Variants in NAA11 observed in about 807,000 individuals in gnomAD.
NAA11 encodes the protein N-alpha-acetyltransferase 11, NatA catalytic subunit.
In NAA11, 15 loss-of-function variants were observed where a neutral mutation model predicts 16.1. The observed-to-expected ratio is 0.93, with a 90% CI of 0.62 to 1.44. The LOEUF (loss-of-function observed/expected upper bound fraction) is 1.44. Among genes scored for constraint, NAA11 ranks in the 40% most tolerant of loss-of-function variants. The probability of loss-of-function intolerance (pLI) is 0.00; values close to 1 mark genes in which losing one functional copy is unlikely to be tolerated. For missense variants in NAA11, 298 were observed against 291.3 expected, an observed-to-expected ratio of 1.02 and a Z score of -0.17; for synonymous variants, 122 against 112.4, an observed-to-expected ratio of 1.09 and a Z score of -0.54.
chr4:79,270,546 G>T (rs990689740), intron 2 of NAA11, among the ~76,000 whole-genome samples: 1 of 141,740 alleles, frequency 7.1e-6, no homozygotes, highest in Non-Finnish European at 1.5e-5. Flanking sequence ...GCATCATTCT[G>T]ATACCAAAGC....
At chr4:79,188,831 G>A in the NAA11 span, among the ~76,000 whole-genome samples, 1 of 151,996 alleles carries the variant, frequency 6.6e-6, no homozygotes, top group Admixed American at 6.5e-5. Flanking sequence ...TGGAAGCTTG[G>A]GGTGGGCCTG....
At chr4:79,256,722 G>C (rs1450123611) in intron 2 of NAA11, among the ~76,000 whole-genome samples, 2 of 147,842 alleles carry the variant, frequency 1.4e-5, no homozygotes, top group Non-Finnish European at 3.0e-5. Context: ...GTGCCATCTT[G>C]GCTCACTGCA....
chr4:79,254,664 TTTTC>T lies in NAA11; in HGVS notation c.*123-28398_*123-28395del, dbSNP rs1156690009. ...CCTTTTCTTTTTTTTTTTTTTACTTTTTTCTTTTAGTTAATTTAATTTATTTATT... is the reference window on the plus strand; with the variant it reads ...CCTTTTCTTTTTTTTTTTTTTACTTTTTTTAGTTAATTTAATTTATTTATT... On this transcript the variant is annotated intron_variant and NMD_transcript_variant, in intron 2 of 2. Transcript: ENST00000511542. 1.9e-4 allele frequency among the ~76,000 whole-genome samples: 29 copies of T among 150,900 alleles called. 1 individual carries two copies. The East Asian group carries it at 5.4e-3, about 28-fold the overall frequency.
intron 1 of NAA11, among the ~76,000 whole-genome samples, chr4:79,297,951 C>T (rs1723271211): frequency 6.6e-6 from 1 of 152,156 alleles, no homozygotes; most frequent in African/African-American, 2.4e-5. Flanking sequence ...CCAATGGCTG[C>T]CCATGGACCA....
the NAA11 span, among the ~76,000 whole-genome samples, chr4:79,199,260 AC>A: frequency 1.3e-5 from 2 of 152,044 alleles, no homozygotes; most frequent in Admixed American, 1.3e-4. Flanking sequence ...CCACTTATAC[AC>A]TTAAGCAGTT....
chr4:79,262,187 T>C (rs1339641874), intron 2 of NAA11, among the ~76,000 whole-genome samples: 2 of 152,124 alleles, frequency 1.3e-5, no homozygotes, highest in Non-Finnish European at 2.9e-5. Flanking sequence ...ATTATGTTAG[T>C]GGATCCAAGA....
chr4:79,279,493 T>G (rs554958286), intron 2 of NAA11, among the ~76,000 whole-genome samples: 7 of 152,236 alleles, frequency 4.6e-5, no homozygotes, highest in Admixed American at 2.0e-4. Context: ...GGAGCTTATA[T>G]TCTAGTGGAG....
At position 79,325,644 on chromosome 4, in the gene NAA11, C is replaced by A. The variant is rs1724251393; in HGVS notation, c.234G>T (p.Lys78Asn). The A allele has an allele frequency of 1.9e-6, 3 of 1,614,094 alleles. No individual in the cohort carries two copies. The highest frequency in any genetic ancestry group is 1.6e-4 in the Middle Eastern group (1 of 6,062). Residue 78 changes from lysine (K) to asparagine (N), a missense_variant, in exon 1 of 2, where the codon AAG becomes AAT. Physicochemically the swap from Lys to Asn is moderately conservative, Grantham distance 94. Transcript: ENST00000286794. ...PHGHITSLAV[K>N]RSHRRLGLAQ... ...CCAGGCCGAGGCGCCGGTGTGAACG[C>A]TTCACGGCCAGTGAGGTGATATGGC... is the stretch of plus-strand genomic sequence containing the variant.
At chr4:79,244,549 C>A (rs1721760783) in intron 2 of NAA11, 1 of 149,706 alleles carries the variant, frequency 6.7e-6, no homozygotes, top group Non-Finnish European at 1.5e-5. Context: ...TAGTTTACTA[C>A]TAAGTAAACT....
At chr4:79,301,416 G>A (rs1282891940) in intron 1 of NAA11, among the ~76,000 whole-genome samples, 1 of 152,128 alleles carries the variant, frequency 6.6e-6, no homozygotes, top group Non-Finnish European at 1.5e-5. Context: ...TACTAATCAA[G>A]AGACACTTAG....
the NAA11 span, among the ~76,000 whole-genome samples, chr4:79,189,617 A>G: frequency 6.6e-6 from 1 of 152,164 alleles, no homozygotes; most frequent in African/African-American, 2.4e-5. Flanking sequence ...CCAAGAAGGT[A>G]TAGCTGCAGG....
the NAA11 span, among the ~76,000 whole-genome samples, chr4:79,200,745 A>G: frequency 6.6e-6 from 1 of 151,798 alleles, no homozygotes; most frequent in Admixed American, 6.6e-5. Flanking sequence ...TTGTTCTTCC[A>G]GTGAGACCCT....
chr4:79,162,106 CTTTATTTTA>C, the NAA11 span, among the ~76,000 whole-genome samples: 1 of 151,982 alleles, frequency 6.6e-6, no homozygotes, highest in South Asian at 2.1e-4. Context: ...GAATTATTTT[CTTTATTTTA>C]TTTTTACAAT....
chr4:79,263,002 T>G (rs529859624), intron 2 of NAA11, among the ~76,000 whole-genome samples: 1 of 152,212 alleles, frequency 6.6e-6, no homozygotes, highest in African/African-American at 2.4e-5. Flanking sequence ...ATAAAATGGC[T>G]AGAGAATACC....
the NAA11 span, among the ~76,000 whole-genome samples, chr4:79,168,220 A>G: frequency 6.6e-6 from 1 of 152,112 alleles, no homozygotes; most frequent in Non-Finnish European, 1.5e-5. Flanking sequence ...TTATGGCTGC[A>G]TAGTATTCTG....
intron 2 of NAA11, chr4:79,245,355 G>A (rs182917595): frequency 0.013 from 1,911 of 150,380 alleles, 45 homozygotes; most frequent in African/African-American, 0.046. Context: ...CTGCCCGGCC[G>A]CCCTGTCTGG....
At chr4:79,321,737 A>G (rs1452241390) in intron 1 of NAA11, among the ~76,000 whole-genome samples, 1 of 152,246 alleles carries the variant, frequency 6.6e-6, no homozygotes. Flanking sequence ...CTTAAATATC[A>G]TTTATACTAA....
At chr4:79,198,485 G>A in the NAA11 span, among the ~76,000 whole-genome samples, 1 of 151,832 alleles carries the variant, frequency 6.6e-6, no homozygotes, top group Non-Finnish European at 1.5e-5. Context: ...ATCATGAGTG[G>A]TGCTTATGAG....
chr4:79,238,052 A>G lies in NAA11; in HGVS notation c.*123-11782T>C, dbSNP rs1480912980. The stretch of plus-strand genomic sequence containing the variant: ...AAGCTTTCTAAGGAATGTGCCAAGT[A>G]GACAGCTGCTGTAGCTACTACCAGA... On this transcript the variant is annotated intron_variant and NMD_transcript_variant, in intron 2 of 2. Coordinates refer to the NAA11 transcript ENST00000511542. 2.0e-5 allele frequency among the ~76,000 whole-genome samples: 3 copies of G among 152,232 alleles called. No homozygotes were observed. In the East Asian group the frequency reaches 5.8e-4, roughly 29 times the overall value.
Sources: gnomAD v4.1 joint callset for allele counts (sites outside exome capture counted in the v4.1 genomes callset) on GRCh38, gnomAD v4.1.1 for gene constraint, MANE v1.5 for transcripts, NCBI Gene and HGNC (gene_info 2026-07-23, HGNC 2026-07-21) for gene names.